The following TRPC1 variants were observed in gnomAD, a reference collection of about 807,000 sequenced individuals.
TRPC1 encodes short transient receptor potential channel 1.
In TRPC1, 42 loss-of-function variants were observed where a neutral mutation model predicts 88.2. That is an observed-to-expected ratio of 0.48 (90% CI 0.37 to 0.62). TRPC1 has a LOEUF of 0.62. Ranked by LOEUF, TRPC1 falls within the 20% of genes least tolerant of loss-of-function variation. The pLI is 0.00. For synonymous variants in TRPC1, 288 were observed against 331.8 expected (o/e 0.87, Z 1.43); for missense variants, 699 against 957.3 (o/e 0.73, Z 3.56).
rs551788902 is a variant in TRPC1 at position 142,788,497 on chromosome 3, G to A, written c.1298-2522G>A. Among the ~76,000 whole-genome samples the A allele has an allele frequency of 2.0e-3, 307 of 152,092 alleles. 2 individuals carry two copies. Among genetic ancestry groups the A allele is most frequent in the Non-Finnish European group, 3.0e-3 (207 of 67,986 alleles). Reference sequence around the variant, plus strand: ...AGGGGTAGATCCTGAGTACAGTTTCGGATATGTTGAGTTTGAAAAGCCTTT... The same window carrying A: ...AGGGGTAGATCCTGAGTACAGTTTCAGATATGTTGAGTTTGAAAAGCCTTT... On this transcript the variant is annotated intron_variant, in intron 7 of 12. Transcript: ENST00000476941.
chr3:142,733,292 A>G (rs991199309), intron 1 of TRPC1, among the ~76,000 whole-genome samples: 4 of 152,148 alleles, frequency 2.6e-5, no homozygotes, highest in African/African-American at 9.7e-5. Context: ...CGGGCAGATC[A>G]CTTGAGGTCA....
intron 7 of TRPC1, among the ~76,000 whole-genome samples, chr3:142,788,544 T>G (rs925005950): frequency 1.3e-5 from 2 of 152,048 alleles, no homozygotes; most frequent in Non-Finnish European, 2.9e-5. Context: ...TAAATATCCC[T>G]TTTAGGGATG....
chr3:142,795,251 T>C (rs1936416471), intron 9 of TRPC1, among the ~76,000 whole-genome samples: 1 of 151,934 alleles, frequency 6.6e-6, no homozygotes, highest in Non-Finnish European at 1.5e-5. Context: ...TTAATACTAA[T>C]GTAATTGGAA....
chr3:142,779,530 G>C (rs111782419), intron 5 of TRPC1, among the ~76,000 whole-genome samples: 32 of 152,310 alleles, frequency 2.1e-4, no homozygotes, highest in African/African-American at 7.5e-4. Flanking sequence ...TCAAGAAGCA[G>C]GGAGTGCCGC....
At chr3:142,764,197 T>A (rs1410069353) in intron 4 of TRPC1, among the ~76,000 whole-genome samples, 1 of 151,906 alleles carries the variant, frequency 6.6e-6, no homozygotes, top group African/African-American at 2.4e-5. Flanking sequence ...GATATATTTT[T>A]ATATTACCTA....
intron 5 of TRPC1, 58 bp from the exon 6 acceptor site, chr3:142,780,776 A>G: frequency 6.7e-7 from 1 of 1,489,678 alleles, no homozygotes; most frequent in Non-Finnish European, 9.0e-7. Context: ...TTTAGTGAAT[A>G]TAGCTTAATT....
chr3:142,804,638 A>G lies in TRPC1; in HGVS notation c.2154+8A>G. ...CGGCAAAACAGTTTAAAGGTAAGAA[A>G]TTAGAAGCTTGAATGGCAACATAAA... On this transcript the variant is annotated splice_region_variant and intron_variant, in intron 12 of 12. Transcript: ENST00000476941. 1 of 1,584,746 alleles carries G rather than the reference A, an allele frequency of 6.3e-7. No homozygotes were observed. Among genetic ancestry groups the G allele is most frequent in the South Asian group, 1.2e-5 (1 of 85,718 alleles).
At chr3:142,780,645 T>C (rs1237972030) in intron 5 of TRPC1, among the ~76,000 whole-genome samples, 189 bp from the exon 6 acceptor site, 1 of 152,222 alleles carries the variant, frequency 6.6e-6, no homozygotes, top group Non-Finnish European at 1.5e-5. Context: ...AATTGTGTTA[T>C]GGTTTTCCCC....
At chr3:142,726,790 A>G (rs1341706931) in intron 1 of TRPC1, among the ~76,000 whole-genome samples, 2 of 152,220 alleles carry the variant, frequency 1.3e-5, no homozygotes, top group Non-Finnish European at 2.9e-5. Context: ...TATGACTTCC[A>G]CCATTACACT....
intron 4 of TRPC1, among the ~76,000 whole-genome samples, chr3:142,753,458 G>C (rs568155849): frequency 6.6e-6 from 1 of 152,070 alleles, no homozygotes; most frequent in Non-Finnish European, 1.5e-5. Flanking sequence ...CAGAAGAAAA[G>C]GAGGTTAACA....
intron 7 of TRPC1, 43 bp downstream of exon 7, chr3:142,785,083 C>G (rs1237673308): frequency 6.7e-7 from 1 of 1,482,870 alleles, no homozygotes; most frequent in South Asian, 1.4e-5. Flanking sequence ...TTTATTTAGC[C>G]CACTGATTCT....
chr3:142,748,520 TA>T lies in TRPC1; in HGVS notation c.632+64del, dbSNP rs1934639337. ...GATATATATCAACAATGTTGATTTT[TA>T]AAATTGGTATTCTTTCTATGCAGCT... On this transcript the variant is annotated intron_variant, in intron 4 of 12. Transcript: ENST00000476941. 4 of 1,556,012 alleles carry T rather than the reference TA, an allele frequency of 2.6e-6. No homozygotes were observed. The South Asian group carries it at 4.5e-5, about 18-fold the overall frequency.
Position 142,724,416 on chromosome 3 carries a change from G to C in TRPC1, c.-144G>C. On this transcript the variant is annotated 5_prime_UTR_variant, in exon 1 of 13. Transcript: ENST00000476941. This position sits in a 1 kb window ranked among gnomAD's most constrained non-coding sequence, Gnocchi z 5.6. ...GTTCTCAGGGGAGGCGACGCCCTTC[G>C]GGGCCAACGGGCCTCGAGCCGAGGC... 1 of 731,314 alleles carries C rather than the reference G, an allele frequency of 1.4e-6. No homozygotes were observed. Among genetic ancestry groups the C allele is most frequent in the South Asian group, 2.4e-5 (1 of 42,044 alleles). 45.3% of individuals were successfully genotyped at this position (731,314 alleles called of 1,614,324 possible).
intron 7 of TRPC1, 53 bp downstream of exon 7, chr3:142,785,093 T>C: frequency 1.4e-6 from 2 of 1,450,330 alleles, no homozygotes; most frequent in Non-Finnish European, 1.8e-6. Context: ...CCACTGATTC[T>C]TTCTTGATTG....
chr3:142,766,070 G>C (rs909409030), intron 4 of TRPC1, among the ~76,000 whole-genome samples: 2 of 151,828 alleles, frequency 1.3e-5, no homozygotes, highest in Non-Finnish European at 2.9e-5. Context: ...AGGTTATGGA[G>C]AAAAAGGAAC....
Position 142,724,754 on chromosome 3 carries a change from C to T in TRPC1, c.172+23C>T. 6.5e-7 allele frequency: 1 copy of T among 1,541,002 alleles called. No homozygotes were observed. The highest frequency in any genetic ancestry group is 1.8e-5 in the Admixed American group (1 of 55,018). On this transcript the variant is annotated intron_variant, in intron 1 of 12. Transcript: ENST00000476941. This position sits in a 1 kb window ranked among gnomAD's most constrained non-coding sequence, Gnocchi z 5.6. ...AGGGTGAGAGTTAGGCCCCTTTCTC[C>T]TCTGGACGCCCCTGTCCTCCAGACC...
At chr3:142,766,215 G>C (rs1263553658) in intron 4 of TRPC1, among the ~76,000 whole-genome samples, 1 of 152,068 alleles carries the variant, frequency 6.6e-6, no homozygotes, top group African/African-American at 2.4e-5. Flanking sequence ...ACAAAGTATT[G>C]ATCCTGGGTG....
intron 4 of TRPC1, among the ~76,000 whole-genome samples, chr3:142,775,493 C>T (rs980732579): frequency 1.3e-5 from 2 of 152,146 alleles, no homozygotes; most frequent in Non-Finnish European, 2.9e-5. Context: ...GTGGCACGCA[C>T]CTGTAATCCC....
In TRPC1 at chr3:142,806,123, C is replaced by A; in HGVS notation, c.2270C>A (p.Thr757Asn). ...RQKMQSTDQATVENLNELRQD... is the reference protein window; with the variant it reads ...RQKMQSTDQANVENLNELRQD... The stretch of plus-strand genomic sequence containing the variant: ...AAGATGCAAAGTACAGATCAGGCAA[C>A]TGTGGAAAATCTAAACGAACTGCGC... The change falls in exon 13 of 13, where the codon ACT (threonine) becomes AAT (asparagine). Residue 757 changes from threonine (T) to asparagine (N), a missense_variant. By Grantham distance (65) the Thr-to-Asn change is moderately conservative (BLOSUM62 0). Transcript: ENST00000476941. 1 of 1,613,906 alleles carries A rather than the reference C, an allele frequency of 6.2e-7. No homozygotes were observed. Among genetic ancestry groups the A allele is most frequent in the Non-Finnish European group, 8.5e-7 (1 of 1,179,878 alleles).
Sources: gnomAD v4.1 joint callset for allele counts (sites outside exome capture counted in the v4.1 genomes callset) on GRCh38, gnomAD v4.1.1 for gene constraint, Gnocchi (gnomAD v3.1) non-coding constraint, MANE v1.5 for transcripts, NCBI Gene and HGNC (gene_info 2026-07-23, HGNC 2026-07-21) for gene names.